PTPRG: variants seen among roughly 807,000 people sequenced by gnomAD.
PTPRG encodes receptor-type tyrosine-protein phosphatase gamma.
Under a neutral mutation model 165.3 loss-of-function variants are expected in PTPRG, and 102 were observed. That is an observed-to-expected ratio of 0.62 (90% confidence interval 0.53 to 0.73). The LOEUF is 0.73. Ranked by LOEUF, PTPRG falls within the 30% of genes least tolerant of loss-of-function variation. The probability of loss-of-function intolerance (pLI) is 0.00; values close to 1 mark genes in which losing one functional copy is unlikely to be tolerated. For missense variants in PTPRG, 1,866 were observed against 1,861.4 expected, an observed-to-expected ratio of 1.00 and a Z score of -0.05; for synonymous variants, 675 against 669.5, an observed-to-expected ratio of 1.01 and a Z score of -0.13.
At chr3:62,077,411 C>T (rs1282391974) in intron 4 of PTPRG, among the ~76,000 whole-genome samples, 4 of 152,126 alleles carry the variant, frequency 2.6e-5, no homozygotes, top group African/African-American at 9.7e-5. Context: ...TTCTGAAGCA[C>T]TATTTTCTCA....
intron 1 of PTPRG, among the ~76,000 whole-genome samples, chr3:61,658,715 C>T (rs963655279): frequency 2.0e-5 from 3 of 152,148 alleles, no homozygotes; most frequent in African/African-American, 7.2e-5. Flanking sequence ...TGCTCTGTCT[C>T]AGCACCCAGC....
intron 1 of PTPRG, among the ~76,000 whole-genome samples, chr3:61,649,499 A>G (rs183041841): frequency 2.6e-4 from 39 of 152,298 alleles, no homozygotes; most frequent in Admixed American, 2.4e-3. Context: ...GAAGTGGAAA[A>G]ACAAGTGAAC....
intron 3 of PTPRG, among the ~76,000 whole-genome samples, chr3:61,992,605 C>T (rs1425453017): frequency 6.6e-6 from 1 of 151,754 alleles, no homozygotes; most frequent in Non-Finnish European, 1.5e-5. Flanking sequence ...CTGCAACCTC[C>T]GCCTCCCGGG....
Position 61,794,066 on chromosome 3 carries a change from G to A in PTPRG, c.190+45084G>A, listed in dbSNP as rs138359769. Among the ~76,000 whole-genome samples the A allele has an allele frequency of 1.4e-4, 21 of 152,206 alleles. No homozygotes were observed. In the South Asian group the frequency reaches 1.9e-3, roughly 14 times the overall value. ...TATCTGCTTAGTGTTGGAGAAAGGC[G>A]AACTTTTCTGTTTCGTTTGCCCAAC... On this transcript the variant is annotated intron_variant, in intron 2 of 29. Transcript: ENST00000474889.
chr3:61,770,259 G>T (rs1345919641), intron 2 of PTPRG: 1 of 152,122 alleles, frequency 6.6e-6, no homozygotes, highest in Admixed American at 6.5e-5. Context: ...GCAATTCATT[G>T]TTTAATGTGA....
chr3:61,915,639 G>C (rs191813831), intron 2 of PTPRG, among the ~76,000 whole-genome samples: 1 of 152,196 alleles, frequency 6.6e-6, no homozygotes, highest in East Asian at 1.9e-4. Flanking sequence ...TGCTGAATGA[G>C]GCCTTTTAGG....
chr3:61,885,803 C>T (rs2038020531), intron 2 of PTPRG, among the ~76,000 whole-genome samples: 1 of 145,572 alleles, frequency 6.9e-6, no homozygotes, highest in Admixed American at 7.0e-5. Context: ...CCCGCCTCAG[C>T]TTGAGTAACT....
rs929384675 is a variant in PTPRG at position 62,215,550 on chromosome 3, C to A, written c.2156-3301C>A. On this transcript the variant is annotated intron_variant, in intron 12 of 29. Transcript: ENST00000474889. ...AGGCTCCAACCCCCTACGGGAACCC[C>A]CCCCCCCCGCCAATTATTACACACT... Among the ~76,000 whole-genome samples, 3 of 138,880 alleles carry A rather than the reference C, an allele frequency of 2.2e-5. 1 individual carries two copies. Among genetic ancestry groups the A allele is most frequent in the African/African-American group, 5.4e-5 (2 of 37,172 alleles). The allele number at this position is 138,880 out of a possible 152,430, so 91.1% of individuals were successfully genotyped here.
At chr3:61,632,224 C>T (rs1411019226) in intron 1 of PTPRG, among the ~76,000 whole-genome samples, 1 of 152,154 alleles carries the variant, frequency 6.6e-6, no homozygotes, top group Non-Finnish European at 1.5e-5. Context: ...AGGAGGATCA[C>T]CTGAGCCTGG....
intron 2 of PTPRG, among the ~76,000 whole-genome samples, chr3:61,923,416 T>A (rs1475536121): frequency 2.6e-5 from 4 of 152,120 alleles, no homozygotes; most frequent in Admixed American, 2.6e-4. Context: ...TTATTTTTAT[T>A]ATTATTATAC....
At chr3:62,166,462 G>A (rs1464408773) in intron 7 of PTPRG, among the ~76,000 whole-genome samples, 2 of 150,744 alleles carry the variant, frequency 1.3e-5, no homozygotes, top group South Asian at 2.1e-4. Context: ...TCAGCCTCCC[G>A]AGTAGCTGGA....
At position 62,295,660 on chromosome 3, in the gene PTPRG, T is replaced by C. The variant is rs1362231924; in HGVS notation, c.*2353T>C. 1.3e-5 allele frequency: 2 copies of C among 152,106 alleles called. No homozygotes were observed. Among genetic ancestry groups the C allele is most frequent in the East Asian group, 3.9e-4 (2 of 5,180 alleles). 9.4% of individuals were successfully genotyped at this position (152,106 alleles called of 1,614,324 possible). A position where few individuals can be genotyped will look rare whatever the true frequency, so the allele number is the denominator to read the frequency against. ...GAGTTTAGAAGTTCCCTGTGAGCAA[T>C]CTGTGTGTCTTCAGCGAGCTTGAAC... On this transcript the variant is annotated 3_prime_UTR_variant, in exon 30 of 30. Coordinates refer to ENST00000474889, the MANE Select transcript of PTPRG (RefSeq NM_002841.4).
intron 5 of PTPRG, among the ~76,000 whole-genome samples, chr3:62,132,132 T>C (rs1456668546): frequency 1.3e-5 from 2 of 152,138 alleles, no homozygotes; most frequent in East Asian, 3.9e-4. Flanking sequence ...AATATGTGCT[T>C]TTTCACAGGG....
At chr3:61,776,915 T>A (rs2034400496) in intron 2 of PTPRG, among the ~76,000 whole-genome samples, 1 of 152,180 alleles carries the variant, frequency 6.6e-6, no homozygotes, top group Non-Finnish European at 1.5e-5. Flanking sequence ...TAACTTTACT[T>A]ACTATTTCTG....
intron 26 of PTPRG, 106 bp downstream of exon 26, chr3:62,277,785 G>A (rs1702280774): frequency 1.4e-6 from 2 of 1,412,482 alleles, no homozygotes; most frequent in Non-Finnish European, 1.9e-6. Flanking sequence ...TGCTAGGGAG[G>A]GAATTTAAAA....
chr3:61,742,009 C>G (rs1447782344), intron 1 of PTPRG, among the ~76,000 whole-genome samples: 6 of 152,198 alleles, frequency 3.9e-5, no homozygotes, highest in Admixed American at 6.5e-5. Context: ...TTTCATCTCT[C>G]TGAGAGTAAA....
At chr3:62,131,181 T>G (rs943291100) in intron 5 of PTPRG, among the ~76,000 whole-genome samples, 1 of 152,186 alleles carries the variant, frequency 6.6e-6, no homozygotes, top group Non-Finnish European at 1.5e-5. Context: ...TATAGGATGT[T>G]TAGCAGCAGC....
chr3:61,998,477 A>G (rs1228915645), intron 3 of PTPRG, among the ~76,000 whole-genome samples: 1 of 152,150 alleles, frequency 6.6e-6, no homozygotes, highest in Admixed American at 6.5e-5. Context: ...TCTTATTCCA[A>G]TTTTACAGAA....
At chr3:61,819,286 A>G (rs908544620) in intron 2 of PTPRG, among the ~76,000 whole-genome samples, 1 of 152,216 alleles carries the variant, frequency 6.6e-6, no homozygotes, top group African/African-American at 2.4e-5. Flanking sequence ...TTTTGAAGGA[A>G]CTAGTGGAGA....
Sources: gnomAD v4.1 joint callset for allele counts (sites outside exome capture counted in the v4.1 genomes callset) on GRCh38, gnomAD v4.1.1 for gene constraint, MANE v1.5 for transcripts, NCBI Gene and HGNC (gene_info 2026-07-23, HGNC 2026-07-21) for gene names.